Variants in PGM2L1 observed in about 807,000 individuals in gnomAD.
PGM2L1 encodes the protein glucose 1,6-bisphosphate synthase.
In PGM2L1, 35 loss-of-function variants were observed where a neutral mutation model predicts 73.4. The ratio of observed to expected loss-of-function variants is 0.48; its 90% confidence interval spans 0.36 to 0.63. The LOEUF is 0.63. Ranked by LOEUF, PGM2L1 falls within the 30% of genes least tolerant of loss-of-function variation. The pLI, the probability that PGM2L1 is intolerant of heterozygous loss-of-function variation, is 0.00. For missense variants in PGM2L1, 570 were observed against 742.0 expected, an observed-to-expected ratio of 0.77 and a Z score of 2.69; for synonymous variants, 225 against 253.8, an observed-to-expected ratio of 0.89 and a Z score of 1.08.
chr11:74,398,190 G>A lies in PGM2L1; in HGVS notation c.-29C>T, dbSNP rs764473839. ...GACCAGACAGGCGTACGGGCCGGGG[G>A]CCGGCGAAGACACTGAGTTGGGGTG... On this transcript the variant is annotated 5_prime_UTR_variant, in exon 1 of 14. Transcript: ENST00000298198. 8 of 1,592,822 alleles carry A rather than the reference G, an allele frequency of 5.0e-6. No homozygotes were observed. In the Admixed American group the frequency reaches 1.0e-4, roughly 20 times the overall value.
At chr11:74,391,804 C>G (rs1049459981) in intron 1 of PGM2L1, among the ~76,000 whole-genome samples, 6 of 151,376 alleles carry the variant, frequency 4.0e-5, no homozygotes, top group Non-Finnish European at 5.9e-5. Flanking sequence ...GTGTATTTGA[C>G]TACGCTAGGT....
At chr11:74,388,508 C>G (rs1863046821) in intron 1 of PGM2L1, among the ~76,000 whole-genome samples, 1 of 151,692 alleles carries the variant, frequency 6.6e-6, no homozygotes. Context: ...TCATTTTTAC[C>G]TATATAAATA....
intron 7 of PGM2L1, 91 bp downstream of exon 7, chr11:74,347,057 G>C: frequency 2.6e-6 from 3 of 1,136,642 alleles, no homozygotes; most frequent in Non-Finnish European, 3.6e-6. Flanking sequence ...AGTCCTTTCT[G>C]CTTTTGTAAG....
intron 10 of PGM2L1, 102 bp from the exon 11 acceptor site, chr11:74,343,116 A>T (rs1269721481): frequency 3.5e-6 from 5 of 1,431,298 alleles, no homozygotes; most frequent in Non-Finnish European, 2.8e-6. Context: ...AAAGCCTAGT[A>T]ATAGATGAAA....
chr11:74,386,160 T>C (rs1200120927), intron 1 of PGM2L1, among the ~76,000 whole-genome samples: 1 of 152,108 alleles, frequency 6.6e-6, no homozygotes. Flanking sequence ...CAAAGACTTA[T>C]TTCTTTGGCA....
intron 5 of PGM2L1, among the ~76,000 whole-genome samples, chr11:74,356,446 C>G (rs147493345): frequency 8.5e-4 from 129 of 152,132 alleles, no homozygotes; most frequent in African/African-American, 2.7e-3. Context: ...ATTTAAGATG[C>G]TACTAAAGAA....
intron 1 of PGM2L1, among the ~76,000 whole-genome samples, chr11:74,386,475 A>T (rs1177123583): frequency 6.6e-6 from 1 of 151,852 alleles, no homozygotes; most frequent in Non-Finnish European, 1.5e-5. Context: ...TGTCAAAAAA[A>T]AAAACTTTTT....
intron 1 of PGM2L1, among the ~76,000 whole-genome samples, chr11:74,383,504 TA>T (rs965086353): frequency 1.3e-5 from 2 of 152,062 alleles, no homozygotes; most frequent in African/African-American, 4.8e-5. Flanking sequence ...GTTACATAGG[TA>T]AATGTGTGCC....
intron 9 of PGM2L1, 26 bp downstream of exon 9, chr11:74,345,443 A>G (rs774731188): frequency 6.4e-7 from 1 of 1,567,766 alleles, no homozygotes; most frequent in African/African-American, 1.4e-5. Flanking sequence ...TTTAAAAAGT[A>G]GCACACAGAT....
rs765223096 is a variant in PGM2L1, at chr11:74,345,529, G to A, written c.1158C>T (p.Ala386=). ...NADVKNVYML[A]TTVSSKILKA... is the part of the protein sequence containing the mutation. ...TCAGAATTTTAGAAGAGACTGTGGT[G>A]GCTAACATATAAACGTTCTTCACAT... Residue 386 remains alanine (A), a synonymous_variant, in exon 9 of 14, where the codon GCC becomes GCT. Transcript: ENST00000298198. 3 of 1,613,268 alleles carry A rather than the reference G, an allele frequency of 1.9e-6. No individual in the cohort carries two copies. In the South Asian group the frequency reaches 3.3e-5, roughly 18 times the overall value.
chr11:74,387,039 T>A (rs1310325485), intron 1 of PGM2L1, among the ~76,000 whole-genome samples: 1 of 152,216 alleles, frequency 6.6e-6, no homozygotes, highest in Non-Finnish European at 1.5e-5. Flanking sequence ...AAGACAGAGA[T>A]CAATTTGCTA....
intron 3 of PGM2L1, 151 bp downstream of exon 3, chr11:74,371,560 C>T: frequency 9.1e-6 from 5 of 550,890 alleles, no homozygotes; most frequent in Non-Finnish European, 1.2e-5. Context: ...GATACTTTTT[C>T]TTCTATTTCA....
chr11:74,354,823 T>G lies in PGM2L1; in HGVS notation c.556-3247A>C, dbSNP rs1862417829. ...TCACCTAAGAGATTATTTTGAACAGTATGGGAAAAAAATGAAGCGACTGTA... is the reference window on the plus strand; with the variant it reads ...TCACCTAAGAGATTATTTTGAACAGGATGGGAAAAAAATGAAGCGACTGTA... On this transcript the variant is annotated intron_variant, in intron 5 of 13. Transcript: ENST00000298198. The G allele has an allele frequency of 3.2e-6, 3 of 931,324 alleles. 1 individual carries two copies. In the South Asian group the frequency reaches 3.9e-5, roughly 12 times the overall value. The allele number at this position is 931,324 out of a possible 1,614,324, so 57.7% of individuals were successfully genotyped here.
At chr11:74,389,183 T>C (rs1272413105) in intron 1 of PGM2L1, among the ~76,000 whole-genome samples, 1 of 152,142 alleles carries the variant, frequency 6.6e-6, no homozygotes, top group Non-Finnish European at 1.5e-5. Context: ...GAGGATCACT[T>C]GAGCCCAGGA....
chr11:74,374,232 C>T (rs1005326575), intron 2 of PGM2L1, among the ~76,000 whole-genome samples, 183 bp downstream of exon 2: 1 of 152,094 alleles, frequency 6.6e-6, no homozygotes, highest in Admixed American at 6.5e-5. Context: ...TACAGGCACA[C>T]GCCATCATGC....
chr11:74,397,873 T>C, intron 1 of PGM2L1, 178 bp downstream of exon 1: 1 of 1,129,632 alleles, frequency 8.9e-7, no homozygotes, highest in African/African-American at 1.6e-5. Flanking sequence ...GCCGCCCGGC[T>C]CTGGCAGTCC....
At chr11:74,346,700 A>G in intron 8 of PGM2L1, 32 bp downstream of exon 8, 2 of 1,538,406 alleles carry the variant, frequency 1.3e-6, no homozygotes, top group Non-Finnish European at 1.8e-6. Flanking sequence ...TTCAAAGTTC[A>G]AGCTTTTAAT....
intron 1 of PGM2L1, among the ~76,000 whole-genome samples, chr11:74,393,977 GAA>G (rs35648968): frequency 9.0e-4 from 134 of 149,040 alleles, no homozygotes; most frequent in African/African-American, 2.6e-3. Context: ...AGAAAGCACT[GAA>G]AAAAAAAAAA....
intron 1 of PGM2L1, among the ~76,000 whole-genome samples, chr11:74,395,104 T>G (rs1309935303): frequency 6.6e-6 from 1 of 152,204 alleles, no homozygotes; most frequent in Non-Finnish European, 1.5e-5. Flanking sequence ...CTCCATTAAA[T>G]GTATTCTCTC....
Sources: gnomAD v4.1 joint callset for allele counts (sites outside exome capture counted in the v4.1 genomes callset) on GRCh38, gnomAD v4.1.1 for gene constraint, MANE v1.5 for transcripts, NCBI Gene and HGNC (gene_info 2026-07-23, HGNC 2026-07-21) for gene names.